RGL1: variants seen among roughly 807,000 people sequenced by gnomAD.
RGL1 encodes ral guanine nucleotide dissociation stimulator-like 1.
In RGL1, 24 loss-of-function variants were observed where a neutral mutation model predicts 95.2. The ratio of observed to expected loss-of-function variants is 0.25; its 90% CI spans 0.18 to 0.35. The LOEUF is 0.35. Ranked by LOEUF, RGL1 falls within the 10% of genes least tolerant of loss-of-function variation. The pLI is 1.00. For missense variants in RGL1, 715 were observed against 936.3 expected, an observed-to-expected ratio of 0.76 and a Z score of 3.08; for synonymous variants, 329 against 344.9, an observed-to-expected ratio of 0.95 and a Z score of 0.51.
At chr1:183,715,012 T>C (rs1481998873) in intron 1 of RGL1, among the ~76,000 whole-genome samples, 1 of 152,136 alleles carries the variant, frequency 6.6e-6, no homozygotes, top group Non-Finnish European at 1.5e-5. Context: ...CTAATTACCA[T>C]CCTACTAGGT....
At chr1:183,757,016 TGTTTG>T (rs1658376602) in intron 2 of RGL1, among the ~76,000 whole-genome samples, 1 of 91,948 alleles carries the variant, frequency 1.1e-5, no homozygotes. Context: ...TTGGGTGGTT[TGTTTG>T]TTTTTTTTTT....
intron 4 of RGL1, among the ~76,000 whole-genome samples, chr1:183,872,926 T>G (rs1194011620): frequency 6.6e-6 from 1 of 152,206 alleles, no homozygotes; most frequent in Non-Finnish European, 1.5e-5. Flanking sequence ...AAAGGAATTT[T>G]TTTTAAAGTG....
intron 2 of RGL1, among the ~76,000 whole-genome samples, chr1:183,835,455 G>C (rs185521377): frequency 6.6e-6 from 1 of 152,158 alleles, no homozygotes; most frequent in African/African-American, 2.4e-5. Context: ...TTCCCAGTCT[G>C]TATTACCCAG....
At chr1:183,723,393 A>C (rs1656126941) in intron 1 of RGL1, among the ~76,000 whole-genome samples, 1 of 152,226 alleles carries the variant, frequency 6.6e-6, no homozygotes, top group Admixed American at 6.5e-5. Flanking sequence ...ACTTCATGTC[A>C]CTGAAAGAGG....
intron 1 of RGL1, among the ~76,000 whole-genome samples, chr1:183,694,082 A>G (rs113836024): frequency 0.017 from 2,530 of 152,296 alleles, 35 homozygotes; most frequent in Non-Finnish European, 0.024. Context: ...TGGCAACCTG[A>G]TTTCTGATTT....
At chr1:183,742,396 A>G in intron 2 of RGL1, 1 of 1,303,958 alleles carries the variant, frequency 7.7e-7, no homozygotes, top group South Asian at 1.3e-5. Context: ...GCAAATCTTT[A>G]TTCAGGGGCT....
chr1:183,687,551 G>A (rs1430890425), intron 1 of RGL1, among the ~76,000 whole-genome samples: 1 of 152,098 alleles, frequency 6.6e-6, no homozygotes, highest in Non-Finnish European at 1.5e-5. Flanking sequence ...TGCTCCCTGA[G>A]ATCTTTTTGG....
At chr1:183,822,298 T>C (rs1311216385) in intron 2 of RGL1, among the ~76,000 whole-genome samples, 1 of 152,184 alleles carries the variant, frequency 6.6e-6, no homozygotes, top group Non-Finnish European at 1.5e-5. Flanking sequence ...TTAAAAATTA[T>C]ACCTTAGACA....
chr1:183,833,046 A>G (rs544799366), intron 2 of RGL1, among the ~76,000 whole-genome samples: 4 of 152,316 alleles, frequency 2.6e-5, no homozygotes, highest in South Asian at 2.1e-4. Context: ...ATTGAATTTC[A>G]TAACATAAAC....
chr1:183,924,690 A>G (rs887452529), intron 17 of RGL1, among the ~76,000 whole-genome samples: 4 of 152,106 alleles, frequency 2.6e-5, no homozygotes, highest in African/African-American at 9.7e-5. Flanking sequence ...CACGCCTGTA[A>G]TCCCAGCACT....
Position 183,883,794 on chromosome 1 carries a change from C to T in RGL1, c.619C>T (p.Pro207Ser), listed in dbSNP as rs369528756. 199 of 1,614,054 alleles carry T rather than the reference C, an allele frequency of 1.2e-4. 3 individuals carry two copies. The South Asian group carries it at 2.0e-3, about 16-fold the overall frequency. The change falls in exon 6 of 18, where the codon CCC becomes TCC. Residue 207 changes from proline to serine, a missense_variant. Pro to Ser is a moderately conservative substitution (Grantham distance 74). Around this residue, in one of 3 missense-constraint regions of RGL1, gnomAD observed 381 missense variants for 484.8 expected, o/e 0.79. Transcript: ENST00000360851. ...TTTCCATATGTGAACAGATGGGCTTCCCAACACGATCTCCTTCAGCCTGGA... is the reference window on the plus strand; with the variant it reads ...TTTCCATATGTGAACAGATGGGCTTTCCAACACGATCTCCTTCAGCCTGGA... ...KQEVETDNGL[P>S]NTISFSLEEE...
rs532484135 is a variant in RGL1 at position 183,735,164 on chromosome 1, A to G, written c.-32-6962A>G. Among the ~76,000 whole-genome samples, 6 of 152,302 alleles carry G rather than the reference A, an allele frequency of 3.9e-5. No individual in the cohort carries two copies. In the South Asian group the frequency reaches 1.2e-3, roughly 32 times the overall value. On this transcript the variant is annotated intron_variant, in intron 1 of 18. Coordinates refer to the RGL1 transcript ENST00000304685. Reference sequence around the variant, plus strand: ...ACCAGTTGGACCAGTCTTTTAAAATATCAACTGGAATAAAGCAAGAATGCC... The same window carrying G: ...ACCAGTTGGACCAGTCTTTTAAAATGTCAACTGGAATAAAGCAAGAATGCC...
At chr1:183,748,658 G>A (rs543580593) in intron 2 of RGL1, among the ~76,000 whole-genome samples, 7 of 151,938 alleles carry the variant, frequency 4.6e-5, no homozygotes, top group East Asian at 1.9e-4. Flanking sequence ...TGCCTGCCTC[G>A]GCCTGCCAAA....
chr1:183,645,537 C>T (rs1157817813), intron 1 of RGL1, among the ~76,000 whole-genome samples: 1 of 152,214 alleles, frequency 6.6e-6, no homozygotes, highest in African/African-American at 2.4e-5. Context: ...CAGAGATATT[C>T]TTCCATATCA....
chr1:183,676,029 C>T (rs545004649), intron 1 of RGL1, among the ~76,000 whole-genome samples: 1 of 152,152 alleles, frequency 6.6e-6, no homozygotes, highest in African/African-American at 2.4e-5. Context: ...TATCTGTTGT[C>T]CCAACTACTC....
chr1:183,812,851 TG>T (rs1247768969), intron 2 of RGL1, among the ~76,000 whole-genome samples: 1 of 151,950 alleles, frequency 6.6e-6, no homozygotes, highest in Non-Finnish European at 1.5e-5. Context: ...AGGCTCAGCC[TG>T]GGGAAGAGAT....
chr1:183,722,138 A>T (rs1158476766), intron 1 of RGL1, among the ~76,000 whole-genome samples: 2 of 152,070 alleles, frequency 1.3e-5, no homozygotes, highest in Non-Finnish European at 2.9e-5. Flanking sequence ...AGCACTGGAG[A>T]AGGTAAGAGA....
chr1:183,773,395 GGATT>G (rs1659409507), intron 2 of RGL1, among the ~76,000 whole-genome samples: 1 of 152,152 alleles, frequency 6.6e-6, no homozygotes, highest in South Asian at 2.1e-4. Flanking sequence ...TTGAATGAAT[GGATT>G]AATTAATGAA....
intron 2 of RGL1, among the ~76,000 whole-genome samples, chr1:183,790,209 G>A (rs191902414): frequency 4.0e-4 from 61 of 152,230 alleles, no homozygotes; most frequent in African/African-American, 1.3e-3. Context: ...TTAGAGGCGT[G>A]AGCCACTGTG....
Sources: gnomAD v4.1 joint callset for allele counts (sites outside exome capture counted in the v4.1 genomes callset) on GRCh38, gnomAD v4.1.1 for gene constraint, gnomAD v4.1.1 regional missense constraint, MANE v1.5 for transcripts, NCBI Gene and HGNC (gene_info 2026-07-23, HGNC 2026-07-21) for gene names.